Variants in TASOR observed in about 807,000 individuals in gnomAD.
The protein encoded by TASOR is protein TASOR.
TASOR carries 53 observed loss-of-function variants against 178.6 expected under a neutral mutation model. The observed-to-expected ratio is 0.30, with a 90% CI of 0.24 to 0.37. The LOEUF (loss-of-function observed/expected upper bound fraction) is 0.37. Among genes scored for constraint, TASOR ranks in the 10% least tolerant of loss-of-function variants. TASOR has a pLI of 1.00. For synonymous variants in TASOR, 713 were observed against 696.2 expected (o/e 1.02, Z -0.38); for missense variants, 1,815 against 1,971.4 (o/e 0.92, Z 1.50).
intron 14 of TASOR, among the ~76,000 whole-genome samples, chr3:56,645,264 ATT>A (rs72065014): frequency 0.013 from 1,913 of 152,266 alleles, 43 homozygotes; most frequent in African/African-American, 0.043. Context: ...ACGGAGTGAG[ATT>A]TTGTCTCAAA....
In TASOR at chr3:56,661,556, C is replaced by T. The variant is rs538680032; in HGVS notation, c.1161-539G>A. Reference sequence around the variant, plus strand: ...CATCCTTAAGCCAGAAACTAAAAGGCTGTCATTTTATTAAGGACAACTGAA... The same window carrying T: ...CATCCTTAAGCCAGAAACTAAAAGGTTGTCATTTTATTAAGGACAACTGAA... On this transcript the variant is annotated intron_variant, in intron 9 of 23. Coordinates refer to ENST00000683822, the MANE Select transcript of TASOR (RefSeq NM_001365635.2). 3.9e-5 allele frequency among the ~76,000 whole-genome samples: 6 copies of T among 152,290 alleles called. No individual in the cohort carries two copies. In the South Asian group the frequency reaches 6.2e-4, roughly 16 times the overall value.
rs886695652 is a variant in TASOR at position 56,620,589 on chromosome 3, T to C, written c.*2448A>G. 1 of 152,214 alleles carries C rather than the reference T, an allele frequency of 6.6e-6. No homozygotes were observed. The highest frequency in any genetic ancestry group is 6.5e-5 in the Admixed American group (1 of 15,284). 9.4% of individuals were successfully genotyped at this position (152,214 alleles called of 1,614,324 possible). The stretch of plus-strand genomic sequence containing the variant: ...CTGCATTTCAAAATGTTGACTCAGA[T>C]GTTTTTCCCTCTACAGAACTAGAAA... On this transcript the variant is annotated 3_prime_UTR_variant, in exon 24 of 24. Coordinates refer to ENST00000683822, the MANE Select transcript of TASOR (RefSeq NM_001365635.2).
chr3:56,632,850 C>T (rs549306109), intron 18 of TASOR, among the ~76,000 whole-genome samples, 194 bp downstream of exon 18: 1 of 152,184 alleles, frequency 6.6e-6, no homozygotes, highest in South Asian at 2.1e-4. Context: ...GTTGCCCAGG[C>T]TTGTCATGAA....
At chr3:56,626,940 A>G in intron 21 of TASOR, 97 bp downstream of exon 21, 1 of 724,440 alleles carries the variant, frequency 1.4e-6, no homozygotes, top group African/African-American at 1.8e-5. Context: ...ATCTGTGAAA[A>G]ATGAACATCC....
At chr3:56,681,062 C>G (rs1404909932) in intron 1 of TASOR, among the ~76,000 whole-genome samples, 1 of 149,752 alleles carries the variant, frequency 6.7e-6, no homozygotes. Context: ...AGTTTCTAGG[C>G]CAATCTTCTG....
intron 2 of TASOR, among the ~76,000 whole-genome samples, chr3:56,671,917 T>C (rs1205838498): frequency 5.9e-5 from 9 of 152,172 alleles, no homozygotes; most frequent in Non-Finnish European, 1.3e-4. Context: ...TCTTTAAATT[T>C]ATCTTATAAT....
Position 56,660,273 on chromosome 3 carries a change from C to T in TASOR, c.1368+458G>A, listed in dbSNP as rs1030409065. Among the ~76,000 whole-genome samples the T allele has an allele frequency of 3.3e-5, 5 of 151,738 alleles. No individual in the cohort carries two copies. The East Asian group carries it at 5.9e-4, about 18-fold the overall frequency. On this transcript the variant is annotated intron_variant, in intron 11 of 23. Transcript: ENST00000683822. ...TTGGGAGGCTGAGGCGGGCAGATCA[C>T]GAGGTCAGGAGATTGAGACCATCCT... is the stretch of plus-strand genomic sequence containing the variant.
In TASOR at chr3:56,634,197, G is replaced by A. The variant is rs560928485; in HGVS notation, c.2825-231C>T. Among the ~76,000 whole-genome samples, 3 of 152,252 alleles carry A rather than the reference G, an allele frequency of 2.0e-5. No individual in the cohort carries two copies. The South Asian group carries it at 6.2e-4, about 32-fold the overall frequency. On this transcript the variant is annotated intron_variant, in intron 17 of 23. Transcript: ENST00000683822. Reference sequence around the variant, plus strand: ...GTTAACAACTCTGCTATTTTGAAGCGCTCAAGCAAGCACCAATTTGGCATC... The same window carrying A: ...GTTAACAACTCTGCTATTTTGAAGCACTCAAGCAAGCACCAATTTGGCATC...
At position 56,669,699 on chromosome 3, in the gene TASOR, C is replaced by T; in HGVS notation, c.735+1G>A. On this transcript the variant is annotated splice_donor_variant, in intron 5 of 23. Transcript: ENST00000683822. LOFTEE classifies it high-confidence loss of function. The stretch of plus-strand genomic sequence containing the variant: ...ACATGAAGTGTGTAAGTTTAAATTA[C>T]CTTCATTATTTTAAAAATAACAACA... 6.6e-7 allele frequency: 1 copy of T among 1,521,968 alleles called. No individual in the cohort carries two copies. The highest frequency in any genetic ancestry group is 8.9e-7 in the Non-Finnish European group (1 of 1,127,364). 94.3% of individuals were successfully genotyped at this position (1,521,968 alleles called of 1,614,324 possible).
intron 1 of TASOR, among the ~76,000 whole-genome samples, chr3:56,675,074 C>T (rs1350369434): frequency 3.3e-5 from 5 of 152,268 alleles, no homozygotes; most frequent in East Asian, 3.9e-4. Flanking sequence ...ATCCACCTGC[C>T]TCGGCCTCCC....
chr3:56,622,849 AAGTACAATAT>A lies in TASOR; in HGVS notation c.*178_*187del, dbSNP rs1353594285. On this transcript the variant is annotated 3_prime_UTR_variant, in exon 24 of 24. Transcript: ENST00000683822. ...TAGAAGTGCCAACATGAGATAATTC[AAGTACAATAT>A]ATGTTAAAAATATATATTTATTTCA... The A allele has an allele frequency of 2.6e-6, 1 of 382,652 alleles. No homozygotes were observed. The allele number at this position is 382,652 out of a possible 1,614,324, so 23.7% of individuals were successfully genotyped here. A position where few individuals can be genotyped will look rare whatever the true frequency, so the allele number is the denominator to read the frequency against.
chr3:56,670,940 CAAAAAAAA>C (rs11300845), intron 3 of TASOR, among the ~76,000 whole-genome samples: 5 of 54,204 alleles, frequency 9.2e-5, no homozygotes, highest in Admixed American at 5.4e-4. Flanking sequence ...GACTCCATCT[CAAAAAAAA>C]AAAAAAAAAA....
chr3:56,676,030 G>A (rs2031266167), intron 1 of TASOR, among the ~76,000 whole-genome samples: 1 of 152,156 alleles, frequency 6.6e-6, no homozygotes, highest in Non-Finnish European at 1.5e-5. Context: ...AAAATAAACA[G>A]GAGTAAGCTC....
At chr3:56,678,495 G>A (rs2031521380) in intron 1 of TASOR, among the ~76,000 whole-genome samples, 1 of 151,824 alleles carries the variant, frequency 6.6e-6, no homozygotes, top group Non-Finnish European at 1.5e-5. Context: ...CTCAAGATTT[G>A]AAGGTTGTAT....
At chr3:56,643,331 G>A (rs1198435456) in intron 14 of TASOR, among the ~76,000 whole-genome samples, 3 of 152,018 alleles carry the variant, frequency 2.0e-5, no homozygotes, top group African/African-American at 7.2e-5. Flanking sequence ...CATACTGTGT[G>A]CTTAAATAGG....
At chr3:56,623,943 AAATG>A (rs1373524766) in intron 23 of TASOR, 15 of 876,580 alleles carry the variant, frequency 1.7e-5, no homozygotes, top group East Asian at 1.4e-4. Flanking sequence ...GGTTAGCACT[AAATG>A]AATGATCATT....
chr3:56,647,238 A>AAC lies in TASOR; in HGVS notation c.1514-17_1514-16dup. Reference sequence around the variant, plus strand: ...ACCTTTTTGTGCTGTAAATAAAACAAACAAACAAAAAAGCAAACCATGTTA... The same window carrying AAC: ...ACCTTTTTGTGCTGTAAATAAAACAAACACAAACAAAAAAGCAAACCATGTTA... On this transcript the variant is annotated splice_polypyrimidine_tract_variant and intron_variant, in intron 13 of 23. Coordinates refer to ENST00000683822, the MANE Select transcript of TASOR (RefSeq NM_001365635.2). 1 of 1,511,304 alleles carries AAC rather than the reference A, an allele frequency of 6.6e-7. No individual in the cohort carries two copies. The highest frequency in any genetic ancestry group is 8.8e-7 in the Non-Finnish European group (1 of 1,136,354). The allele number at this position is 1,511,304 out of a possible 1,614,324, so 93.6% of individuals were successfully genotyped here.
Position 56,682,849 on chromosome 3 carries a change from C to T in TASOR, c.158G>A (p.Gly53Asp), listed in dbSNP as rs1252906154. The T allele has an allele frequency of 1.7e-5, 26 of 1,550,360 alleles. No homozygotes were observed. The East Asian group carries it at 2.7e-4, about 16-fold the overall frequency. ...CGCGTTCTCCTCACGCCCAGCGCCG[C>T]CGCTGGGCTCAGCGATGTTGAGGCC... ...GGGLNIAEPS[G>D]GAGREENAGA... is the part of the protein sequence containing the mutation. The change falls in exon 1 of 24, where the codon GGC becomes GAC. Residue 53 changes from glycine to aspartate, a missense_variant. Physicochemically the swap from Gly to Asp is moderately conservative, Grantham distance 94. Around this residue, in one of 5 missense-constraint regions of TASOR, gnomAD observed 244 missense variants for 202.7 expected, o/e 1.20. Coordinates refer to ENST00000683822, the MANE Select transcript of TASOR (RefSeq NM_001365635.2).
At chr3:56,645,388 C>T (rs1339549147) in intron 14 of TASOR, among the ~76,000 whole-genome samples, 3 of 152,214 alleles carry the variant, frequency 2.0e-5, no homozygotes, top group Non-Finnish European at 4.4e-5. Context: ...GACTAAGACA[C>T]TGATCTGACT....
Sources: gnomAD v4.1 joint callset for allele counts (sites outside exome capture counted in the v4.1 genomes callset) on GRCh38, gnomAD v4.1.1 for gene constraint, gnomAD v4.1.1 regional missense constraint, MANE v1.5 for transcripts, NCBI Gene and HGNC (gene_info 2026-07-23, HGNC 2026-07-21) for gene names.